Variants in SLCO3A1 observed in about 807,000 individuals in gnomAD.
SLCO3A1 encodes the protein solute carrier organic anion transporter family member 3A1, also known as PGE1 transporter.
SLCO3A1 carries 27 observed loss-of-function variants against 63.1 expected under a neutral mutation model. The observed-to-expected ratio is 0.43, with a 90% CI of 0.32 to 0.59. SLCO3A1 has a LOEUF of 0.59. Ranked by LOEUF, SLCO3A1 falls within the 20% of genes least tolerant of loss-of-function variation. SLCO3A1 has a pLI of 0.09. For synonymous variants in SLCO3A1, 473 were observed against 409.9 expected, an observed-to-expected ratio of 1.15 and a Z score of -1.86; for missense variants, 773 against 945.8, an observed-to-expected ratio of 0.82 and a Z score of 2.40.
chr15:92,026,549 A>G (rs114508014), intron 2 of SLCO3A1, among the ~76,000 whole-genome samples: 1 of 152,358 alleles, frequency 6.6e-6, no homozygotes, highest in African/African-American at 2.4e-5. Flanking sequence ...TTAAAAAGAA[A>G]AAAAATAGTC....
chr15:91,931,290 G>A (rs1460991757), intron 2 of SLCO3A1, among the ~76,000 whole-genome samples: 1 of 152,154 alleles, frequency 6.6e-6, no homozygotes, highest in Non-Finnish European at 1.5e-5. Flanking sequence ...CTCTCTCACA[G>A]CCTCAGAAAG....
intron 7 of SLCO3A1, among the ~76,000 whole-genome samples, chr15:92,137,252 C>T (rs1326238444): frequency 1.7e-5 from 2 of 115,030 alleles, no homozygotes; most frequent in East Asian, 4.4e-4. Flanking sequence ...TGATAGTTTA[C>T]TGAGAATGAT....
chr15:92,028,814 A>G (rs1392730196), intron 2 of SLCO3A1, among the ~76,000 whole-genome samples: 2 of 152,146 alleles, frequency 1.3e-5, no homozygotes, highest in African/African-American at 2.4e-5. Context: ...GGCATTCCCA[A>G]GAATTTTTGT....
chr15:91,899,436 A>G (rs563184421), intron 1 of SLCO3A1, among the ~76,000 whole-genome samples: 1 of 152,144 alleles, frequency 6.6e-6, no homozygotes, highest in African/African-American at 2.4e-5. Flanking sequence ...CCTTTCTTTT[A>G]TCATAACCTA....
intron 2 of SLCO3A1, among the ~76,000 whole-genome samples, chr15:92,042,259 A>G (rs550844398): frequency 5.6e-4 from 86 of 152,360 alleles, no homozygotes; most frequent in Non-Finnish European, 1.0e-3. Context: ...TGTGCCAGGC[A>G]GAGGCTGTGC....
At position 92,163,322 on chromosome 15, in the gene SLCO3A1, A is replaced by G. The variant is rs1200053728; in HGVS notation, c.*187A>G. On this transcript the variant is annotated 3_prime_UTR_variant, in exon 10 of 10. Coordinates refer to ENST00000318445, the MANE Select transcript of SLCO3A1 (RefSeq NM_013272.4). ...ATCAGAGCCAGACAGGATTCAGAAT[A>G]AGGAGAGAATGACATCGTGCGGCAG... is the stretch of plus-strand genomic sequence containing the variant. The G allele has an allele frequency of 1.6e-6, 2 of 1,256,094 alleles. No individual in the cohort carries two copies. The highest frequency in any genetic ancestry group is 6.6e-5 in the East Asian group (2 of 30,488). 77.8% of individuals were successfully genotyped at this position (1,256,094 alleles called of 1,614,324 possible).
rs140890533 is a variant in SLCO3A1 at position 91,875,479 on chromosome 15, G to A, written c.180+21391G>A. Among the ~76,000 whole-genome samples, 3 of 152,342 alleles carry A rather than the reference G, an allele frequency of 2.0e-5. No homozygotes were observed. Among genetic ancestry groups the A allele is most frequent in the South Asian group, 4.1e-4 (2 of 4,824 alleles). ...CCCAGCTCTGCCCGTCACATGTGACGTAAACCTAGGTTGGTTCCTCCCCCG... is the reference window on the plus strand; with the variant it reads ...CCCAGCTCTGCCCGTCACATGTGACATAAACCTAGGTTGGTTCCTCCCCCG... On this transcript the variant is annotated intron_variant, in intron 1 of 9. Transcript: ENST00000318445. This position sits in a 1 kb window ranked among gnomAD's most constrained non-coding sequence, Gnocchi z 4.5.
Position 92,163,711 on chromosome 15 carries a change from A to G in SLCO3A1, c.*576A>G. 1 of 985,380 alleles carries G rather than the reference A, an allele frequency of 1.0e-6. No individual in the cohort carries two copies. Among genetic ancestry groups the G allele is most frequent in the Non-Finnish European group, 1.2e-6 (1 of 829,940 alleles). 61.0% of individuals were successfully genotyped at this position (985,380 alleles called of 1,614,324 possible). A position where few individuals can be genotyped will look rare whatever the true frequency, so the allele number is the denominator to read the frequency against. On this transcript the variant is annotated 3_prime_UTR_variant, in exon 10 of 10. Coordinates refer to ENST00000318445, the MANE Select transcript of SLCO3A1 (RefSeq NM_013272.4). ...CTCTCTGACTTTCGCAATATGGGTC[A>G]CTGTGTAGACGACTCACCCAGTCTG...
At chr15:92,000,565 A>G (rs1237081101) in intron 2 of SLCO3A1, among the ~76,000 whole-genome samples, 3 of 152,310 alleles carry the variant, frequency 2.0e-5, no homozygotes, top group South Asian at 2.1e-4. Context: ...AAATAATAAG[A>G]GACCTAAAGG....
chr15:91,918,694 TCTC>T (rs2151381297), intron 2 of SLCO3A1, among the ~76,000 whole-genome samples: 1 of 152,328 alleles, frequency 6.6e-6, no homozygotes, highest in South Asian at 2.1e-4. Flanking sequence ...TCAGAGTTTA[TCTC>T]CTCTAATATG....
intron 3 of SLCO3A1, among the ~76,000 whole-genome samples, chr15:92,096,595 A>G (rs2047542007): frequency 6.6e-6 from 1 of 152,210 alleles, no homozygotes; most frequent in Non-Finnish European, 1.5e-5. Flanking sequence ...TCTGCTTCTC[A>G]TGCCGATCTA....
intron 2 of SLCO3A1, among the ~76,000 whole-genome samples, chr15:91,966,572 C>T (rs1900669403): frequency 6.6e-6 from 1 of 152,216 alleles, no homozygotes; most frequent in South Asian, 2.1e-4. Flanking sequence ...TTTCAGGATA[C>T]TGTGTCTAGC....
rs529496206 is a variant in SLCO3A1, at chr15:91,954,775, C to T, written c.646+38317C>T. 6.0e-4 allele frequency among the ~76,000 whole-genome samples: 92 copies of T among 152,180 alleles called. No individual in the cohort carries two copies. The highest frequency in any genetic ancestry group is 2.2e-3 in the African/African-American group (91 of 41,524). On this transcript the variant is annotated intron_variant, in intron 2 of 9. Transcript: ENST00000318445. This position sits in a 1 kb window ranked among gnomAD's most constrained non-coding sequence, Gnocchi z 4.7. ...CACCCTCTGCTTCCTCCTTCCTTCT[C>T]CAACAGCAAGGATCCGAGGGGAAGG...
intron 4 of SLCO3A1, among the ~76,000 whole-genome samples, chr15:92,109,951 C>T (rs2047709208): frequency 6.6e-6 from 1 of 152,102 alleles, no homozygotes; most frequent in Non-Finnish European, 1.5e-5. Flanking sequence ...CTCCAGATTC[C>T]AAATCCCGTG....
intron 2 of SLCO3A1, among the ~76,000 whole-genome samples, chr15:92,035,044 C>A (rs1231384881): frequency 1.3e-5 from 2 of 151,804 alleles, no homozygotes; most frequent in African/African-American, 4.8e-5. Context: ...AGAGGCAGGG[C>A]AGGATGGAGA....
At chr15:91,921,454 C>G (rs1392510683) in intron 2 of SLCO3A1, among the ~76,000 whole-genome samples, 1 of 151,906 alleles carries the variant, frequency 6.6e-6, no homozygotes, top group African/African-American at 2.4e-5. Flanking sequence ...AGTACCAAAC[C>G]AAGACTACAC....
chr15:92,042,851 A>G (rs748177080), intron 2 of SLCO3A1, among the ~76,000 whole-genome samples: 4 of 152,132 alleles, frequency 2.6e-5, no homozygotes, highest in Admixed American at 1.3e-4. Flanking sequence ...TTTTGGGAAC[A>G]GTTTCCACCC....
intron 1 of SLCO3A1, among the ~76,000 whole-genome samples, chr15:91,899,779 C>T (rs1898105844): frequency 6.6e-6 from 1 of 152,230 alleles, no homozygotes; most frequent in African/African-American, 2.4e-5. Flanking sequence ...GCCCCATCTC[C>T]ATCTTCCAGA....
At position 92,074,527 on chromosome 15, in the gene SLCO3A1, G is replaced by A. The variant is rs77785019; in HGVS notation, c.647-20354G>A. On this transcript the variant is annotated intron_variant, in intron 2 of 9. Coordinates refer to ENST00000318445, the MANE Select transcript of SLCO3A1 (RefSeq NM_013272.4). ...CAGGTGATCTGCCCAGGTGAACGTG[G>A]TATGCCCTGAAGGTCTGCTATTTAC... is the stretch of plus-strand genomic sequence containing the variant. Among the ~76,000 whole-genome samples the A allele has an allele frequency of 1.3e-3, 199 of 152,302 alleles. 1 individual carries two copies. The highest frequency in any genetic ancestry group is 4.4e-3 in the African/African-American group (182 of 41,562).
Sources: gnomAD v4.1 joint callset for allele counts (sites outside exome capture counted in the v4.1 genomes callset) on GRCh38, gnomAD v4.1.1 for gene constraint, Gnocchi (gnomAD v3.1) non-coding constraint, MANE v1.5 for transcripts, NCBI Gene and HGNC (gene_info 2026-07-23, HGNC 2026-07-21) for gene names.